CDH18: variants seen among roughly 807,000 people sequenced by gnomAD.
CDH18 encodes cadherin-18.
CDH18 carries 31 observed loss-of-function variants against 67.9 expected under a neutral mutation model. The ratio of observed to expected loss-of-function variants is 0.46; its 90% confidence interval spans 0.34 to 0.62. CDH18 has a LOEUF of 0.62. Among genes scored for constraint, CDH18 ranks in the 20% least tolerant of loss-of-function variants. The pLI, the probability that CDH18 is intolerant of heterozygous loss-of-function variation, is 0.01. For missense variants in CDH18, 890 were observed against 975.5 expected (o/e 0.91, Z 1.17); for synonymous variants, 362 against 347.2 (o/e 1.04, Z -0.48).
At chr5:19,800,464 T>C (rs1777339260) in intron 3 of CDH18, among the ~76,000 whole-genome samples, 1 of 152,164 alleles carries the variant, frequency 6.6e-6, no homozygotes, top group Non-Finnish European at 1.5e-5. Context: ...TCTCCTCATT[T>C]ATCTGAATGT....
intron 2 of CDH18, among the ~76,000 whole-genome samples, chr5:20,144,751 A>G (rs953543605): frequency 3.9e-5 from 6 of 152,118 alleles, no homozygotes; most frequent in African/African-American, 9.7e-5. Flanking sequence ...TCAAAATGTG[A>G]CTTTCTTTGA....
At chr5:20,385,514 A>C (rs142635533) in intron 1 of CDH18, among the ~76,000 whole-genome samples, 26 of 152,268 alleles carry the variant, frequency 1.7e-4, no homozygotes, top group African/African-American at 6.0e-4. Context: ...GCTAACTAGG[A>C]TCTTGGGTGT....
intron 2 of CDH18, among the ~76,000 whole-genome samples, chr5:20,223,818 A>G (rs921498131): frequency 2.0e-5 from 3 of 152,116 alleles, no homozygotes; most frequent in African/African-American, 7.2e-5. Flanking sequence ...GCCACCAGGT[A>G]AAACGTGACT....
At chr5:20,495,415 C>A (rs185443074) in intron 1 of CDH18, among the ~76,000 whole-genome samples, 40 of 151,994 alleles carry the variant, frequency 2.6e-4, no homozygotes, top group African/African-American at 8.7e-4. Flanking sequence ...AAAGCAGTGC[C>A]CAGGTTAGGA....
intron 1 of CDH18, chr5:20,304,326 T>C (rs1476539183): frequency 1.3e-6 from 2 of 1,570,292 alleles, no homozygotes; most frequent in East Asian, 2.2e-5. Context: ...CCTATGACTT[T>C]CTCTTTAAAT....
At chr5:20,539,560 G>T (rs1251768340) in intron 1 of CDH18, among the ~76,000 whole-genome samples, 1 of 152,148 alleles carries the variant, frequency 6.6e-6, no homozygotes, top group Admixed American at 6.6e-5. Context: ...GGTAATGGAA[G>T]TTGATGGTTA....
chr5:20,203,433 C>T (rs1739607843), intron 2 of CDH18, among the ~76,000 whole-genome samples: 1 of 152,054 alleles, frequency 6.6e-6, no homozygotes, highest in South Asian at 2.1e-4. Context: ...AAACACTAGC[C>T]AGCTTTACAA....
intron 2 of CDH18, among the ~76,000 whole-genome samples, chr5:20,041,616 G>C (rs1740426479): frequency 6.6e-6 from 1 of 152,168 alleles, no homozygotes; most frequent in Admixed American, 6.5e-5. Context: ...AATCAAATGA[G>C]AGAATGACAG....
At chr5:20,051,328 C>A (rs1741398291) in intron 2 of CDH18, among the ~76,000 whole-genome samples, 1 of 151,840 alleles carries the variant, frequency 6.6e-6, no homozygotes, top group Non-Finnish European at 1.5e-5. Context: ...GGATGTTCTT[C>A]AATGTAATTG....
intron 2 of CDH18, among the ~76,000 whole-genome samples, chr5:19,896,437 G>T (rs1180652260): frequency 6.6e-6 from 1 of 152,130 alleles, no homozygotes; most frequent in Non-Finnish European, 1.5e-5. Context: ...CTCCTTCTAA[G>T]AGAGAGGCAA....
chr5:20,048,398 C>T (rs189711834), intron 2 of CDH18, among the ~76,000 whole-genome samples: 8 of 151,588 alleles, frequency 5.3e-5, no homozygotes, highest in African/African-American at 1.9e-4. Flanking sequence ...TAAACACTAC[C>T]CTCTTTATGG....
intron 5 of CDH18, among the ~76,000 whole-genome samples, chr5:19,715,230 A>T (rs1765199724): frequency 6.6e-6 from 1 of 152,200 alleles, no homozygotes; most frequent in Admixed American, 6.6e-5. Context: ...GGTAATAGAG[A>T]ACCAAAAAAT....
chr5:20,308,035 T>C (rs1478735049), intron 1 of CDH18, among the ~76,000 whole-genome samples: 1 of 151,450 alleles, frequency 6.6e-6, no homozygotes, highest in African/African-American at 2.4e-5. Context: ...ATGAAAATAT[T>C]TTTCCCCAAA....
At chr5:20,463,959 C>G (rs1213675639) in intron 1 of CDH18, among the ~76,000 whole-genome samples, 2 of 152,028 alleles carry the variant, frequency 1.3e-5, no homozygotes, top group Non-Finnish European at 2.9e-5. Context: ...ATCAGAGAAA[C>G]AAGGCAATAT....
At chr5:19,886,660 GGCC>G (rs2150071525) in intron 2 of CDH18, among the ~76,000 whole-genome samples, 1 of 152,156 alleles carries the variant, frequency 6.6e-6, no homozygotes, top group African/African-American at 2.4e-5. Context: ...ATAGGAGGGT[GGCC>G]ACACTTGTTT....
At chr5:19,617,115 G>A (rs1473557031) in intron 5 of CDH18, among the ~76,000 whole-genome samples, 3 of 152,102 alleles carry the variant, frequency 2.0e-5, no homozygotes, top group African/African-American at 7.2e-5. Flanking sequence ...ACCATATGTT[G>A]CTGAATAGGC....
intron 1 of CDH18, among the ~76,000 whole-genome samples, chr5:20,346,668 A>G (rs1406263293): frequency 6.6e-6 from 1 of 152,132 alleles, no homozygotes; most frequent in East Asian, 1.9e-4. Context: ...GGCTCTTTAC[A>G]AATATGCCAG....
intron 1 of CDH18, among the ~76,000 whole-genome samples, chr5:20,393,867 C>T (rs1745069701): frequency 6.6e-6 from 1 of 151,838 alleles, no homozygotes; most frequent in African/African-American, 2.4e-5. Flanking sequence ...AAGATCTCTA[C>T]AAGGAGAACT....
intron 2 of CDH18, among the ~76,000 whole-genome samples, chr5:19,871,512 C>T (rs1307489645): frequency 2.0e-5 from 3 of 152,034 alleles, no homozygotes; most frequent in East Asian, 1.9e-4. Context: ...AGAAAAGAAA[C>T]GTTGATTCCA....
Sources: gnomAD v4.1 joint callset for allele counts (sites outside exome capture counted in the v4.1 genomes callset) on GRCh38, gnomAD v4.1.1 for gene constraint, MANE v1.5 for transcripts, NCBI Gene and HGNC (gene_info 2026-07-23, HGNC 2026-07-21) for gene names.